The following CENPK variants were observed in gnomAD, a reference collection of about 807,000 sequenced individuals.
CENPK encodes SoxLZ/Sox6-binding protein Solt.
CENPK carries 46 observed loss-of-function variants against 40.9 expected under a neutral mutation model. That is an observed-to-expected ratio of 1.13 (90% CI 0.89 to 1.44). The LOEUF is 1.44. Ranked by LOEUF, CENPK falls within the 40% of genes most tolerant of loss-of-function variation. The pLI is 0.00. For synonymous variants in CENPK, 107 were observed against 104.4 expected (o/e 1.02, Z -0.15); for missense variants, 288 against 303.5 (o/e 0.95, Z 0.38).
intron 5 of CENPK, among the ~76,000 whole-genome samples, chr5:65,543,187 CT>C (rs758257130): frequency 6.6e-6 from 1 of 152,228 alleles, no homozygotes; most frequent in African/African-American, 2.4e-5. Flanking sequence ...CAGTCTTGAA[CT>C]CCTGACCTCA....
chr5:65,528,411 C>A, intron 9 of CENPK, 41 bp downstream of exon 9: 1 of 1,549,432 alleles, frequency 6.5e-7, no homozygotes, highest in East Asian at 2.3e-5. Flanking sequence ...AAAATAATTT[C>A]AAATATGATA....
chr5:65,527,535 ATATATATATATATATAT>A (rs1744935566), intron 9 of CENPK, among the ~76,000 whole-genome samples: 1 of 73,914 alleles, frequency 1.4e-5, no homozygotes, highest in South Asian at 4.6e-4. Context: ...ATATATATAT[ATATATATATATATATAT>A]ATGAACTGTT....
chr5:65,505,619 C>T, the CENPK span, among the ~76,000 whole-genome samples: 5 of 152,256 alleles, frequency 3.3e-5, no homozygotes, highest in African/African-American at 7.2e-5. Flanking sequence ...CCAGCCTGGG[C>T]GACAGAGTGA....
chr5:65,540,978 C>G (rs1187468522), intron 6 of CENPK, among the ~76,000 whole-genome samples: 1 of 151,856 alleles, frequency 6.6e-6, no homozygotes, highest in East Asian at 1.9e-4. Context: ...CACACCACCA[C>G]ACACAGAAGA....
chr5:65,514,260 TTAGTTTTTTTTA>T (rs1742703582), downstream of CENPK, among the ~76,000 whole-genome samples: 1 of 27,314 alleles, frequency 3.7e-5, no homozygotes, highest in Non-Finnish European at 6.4e-5. Context: ...TTTTTTTTTT[TTAGTTTTTTTTA>T]GTTTTTTTTG....
chr5:65,551,457 G>A (rs561399979), intron 5 of CENPK, 107 bp downstream of exon 5: 2 of 591,682 alleles, frequency 3.4e-6, no homozygotes, highest in African/African-American at 1.9e-5. Flanking sequence ...TGAAATTTGG[G>A]CAATTTCAAA....
intron 6 of CENPK, 62 bp from the exon 7 acceptor site, chr5:65,529,261 T>C (rs888840925): frequency 7.3e-6 from 8 of 1,103,264 alleles, no homozygotes; most frequent in African/African-American, 1.6e-5. Flanking sequence ...TTCTGAACGA[T>C]AGTCAAATTT....
intron 2 of CENPK, among the ~76,000 whole-genome samples, chr5:65,560,503 C>G (rs537125074): frequency 6.6e-6 from 1 of 152,054 alleles, no homozygotes; most frequent in East Asian, 1.9e-4. Context: ...GTAAACTTTA[C>G]GTTTATTTTG....
the CENPK span, among the ~76,000 whole-genome samples, chr5:65,512,550 T>A: frequency 6.6e-6 from 1 of 152,244 alleles, no homozygotes; most frequent in African/African-American, 2.4e-5. Flanking sequence ...TGATTAGGCA[T>A]CTCAGCACTT....
chr5:65,551,044 C>A (rs984480944), intron 5 of CENPK: 88 of 202,096 alleles, frequency 4.4e-4, no homozygotes, highest in African/African-American at 2.1e-3. Flanking sequence ...GAGTTCAAGA[C>A]CAGCCTGGGT....
chr5:65,504,293 C>T, the CENPK span, among the ~76,000 whole-genome samples: 2 of 151,654 alleles, frequency 1.3e-5, no homozygotes, highest in African/African-American at 4.8e-5. Flanking sequence ...CCCATCTCTA[C>T]TAAAAATACA....
At chr5:65,497,277 A>T in the CENPK span, among the ~76,000 whole-genome samples, 6 of 151,988 alleles carry the variant, frequency 3.9e-5, no homozygotes, top group Non-Finnish European at 8.8e-5. Flanking sequence ...CTAAGGCAGG[A>T]GAATCGCTTG....
chr5:65,531,347 T>C (rs1321304070), intron 6 of CENPK, among the ~76,000 whole-genome samples: 1 of 151,006 alleles, frequency 6.6e-6, no homozygotes, highest in Non-Finnish European at 1.5e-5. Context: ...GCAACCAATA[T>C]GAAAATAGGA....
At chr5:65,547,734 G>A (rs926307142) in intron 5 of CENPK, among the ~76,000 whole-genome samples, 8 of 151,880 alleles carry the variant, frequency 5.3e-5, no homozygotes, top group South Asian at 4.2e-4. Context: ...GCATGATCTC[G>A]GCTCACAGCA....
At chr5:65,496,098 A>C in the CENPK span, among the ~76,000 whole-genome samples, 1 of 152,174 alleles carries the variant, frequency 6.6e-6, no homozygotes, top group Non-Finnish European at 1.5e-5. Context: ...CTCTACAAAA[A>C]ACACAAAAAA....
intron 2 of CENPK, among the ~76,000 whole-genome samples, chr5:65,560,705 T>C (rs941929955): frequency 3.9e-5 from 6 of 152,214 alleles, no homozygotes; most frequent in African/African-American, 1.4e-4. Flanking sequence ...ATGGCAATAA[T>C]GTAAAATTGG....
chr5:65,500,599 G>A, the CENPK span, among the ~76,000 whole-genome samples: 1 of 151,890 alleles, frequency 6.6e-6, no homozygotes, highest in African/African-American at 2.4e-5. Flanking sequence ...CTGTTCATTT[G>A]ATTTCATCAT....
intron 6 of CENPK, among the ~76,000 whole-genome samples, chr5:65,540,112 C>G (rs1453344266): frequency 6.6e-6 from 1 of 152,186 alleles, no homozygotes; most frequent in Non-Finnish European, 1.5e-5. Flanking sequence ...TCCCAAACAG[C>G]CTTTCTCATT....
intron 2 of CENPK, among the ~76,000 whole-genome samples, chr5:65,556,715 A>G (rs1055645549): frequency 1.3e-5 from 2 of 152,198 alleles, no homozygotes; most frequent in Non-Finnish European, 2.9e-5. Context: ...AGGCCTTCAT[A>G]TCTTCTCACA....
Sources: gnomAD v4.1 joint callset for allele counts (sites outside exome capture counted in the v4.1 genomes callset) on GRCh38, gnomAD v4.1.1 for gene constraint, MANE v1.5 for transcripts, NCBI Gene and HGNC (gene_info 2026-07-23, HGNC 2026-07-21) for gene names.